The following GRAMD1A variants were observed in gnomAD, a reference collection of about 807,000 sequenced individuals.
The protein encoded by GRAMD1A is GRAM domain containing 1A.
GRAMD1A carries 50 observed loss-of-function variants against 92.0 expected under a neutral mutation model. The observed-to-expected ratio is 0.54, with a 90% CI of 0.43 to 0.69. The LOEUF is 0.69. Ranked by LOEUF, GRAMD1A falls within the 30% of genes least tolerant of loss-of-function variation. The pLI is 0.00. For missense variants in GRAMD1A, 819 were observed against 978.9 expected, an observed-to-expected ratio of 0.84 and a Z score of 2.18; for synonymous variants, 405 against 403.6, an observed-to-expected ratio of 1.00 and a Z score of -0.04.
chr19:35,022,973 T>G, intron 17 of GRAMD1A, 62 bp downstream of exon 17: 1 of 1,128,412 alleles, frequency 8.9e-7, no homozygotes. Flanking sequence ...CTGCAGCCTC[T>G]TCTCCCCACC....
rs564732032 is a variant in GRAMD1A, at chr19:35,013,469, C to T, written c.720-72C>T. 48 of 1,545,558 alleles carry T rather than the reference C, an allele frequency of 3.1e-5. No homozygotes were observed. Among genetic ancestry groups the T allele is most frequent in the East Asian group, 2.5e-4 (11 of 44,160 alleles). ...TGGGGGGCCTGAGATGGTTGTATGACGTCTGGAGGATTCAGGAGGGTGTAT... is the reference window on the plus strand; with the variant it reads ...TGGGGGGCCTGAGATGGTTGTATGATGTCTGGAGGATTCAGGAGGGTGTAT... On this transcript the variant is annotated intron_variant, in intron 8 of 19. Coordinates refer to ENST00000317991, the MANE Select transcript of GRAMD1A (RefSeq NM_020895.5). The surrounding 1 kb of genome is among the most constrained non-coding windows in gnomAD (Gnocchi z 4.9).
Position 35,014,296 on chromosome 19 carries a change from C to T in GRAMD1A, c.978C>T (p.Asp326=), listed in dbSNP as rs746350839. 49 of 1,613,832 alleles carry T rather than the reference C, an allele frequency of 3.0e-5. No homozygotes were observed. Among genetic ancestry groups the T allele is most frequent in the East Asian group, 1.1e-4 (5 of 44,888 alleles). The change falls in exon 10 of 20, where the codon GAC becomes GAT. Residue 326 remains aspartate (D), a synonymous_variant. Coordinates refer to ENST00000317991, the MANE Select transcript of GRAMD1A (RefSeq NM_020895.5). The part of the protein sequence containing the change: ...EPPSTEPTQP[D]GPTTLGPLDL... The stretch of plus-strand genomic sequence containing the variant: ...CGAGCACAGAGCCCACCCAGCCTGA[C>T]GGGCCCACCACCCTGGGCCCCTTGG...
chr19:34,995,769 G>T (rs1269901376), upstream of GRAMD1A, among the ~76,000 whole-genome samples: 1 of 151,844 alleles, frequency 6.6e-6, no homozygotes, highest in African/African-American at 2.4e-5. Context: ...TTTTTGTAGA[G>T]ATAAGGTCTT....
chr19:35,009,676 T>C, intron 3 of GRAMD1A: 1 of 635,648 alleles, frequency 1.6e-6, no homozygotes. Flanking sequence ...GAAGGGAACA[T>C]TGAATGAGTC....
chr19:35,009,077 G>T, intron 1 of GRAMD1A, 42 bp from the exon 2 acceptor site: 1 of 1,383,262 alleles, frequency 7.2e-7, no homozygotes, highest in East Asian at 2.3e-5. Context: ...ATCCCAGCCT[G>T]TTTTTTCCAG....
chr19:35,001,265 T>G (rs931146072), intron 1 of GRAMD1A: 1 of 152,588 alleles, frequency 6.6e-6, no homozygotes, highest in Non-Finnish European at 1.5e-5. Flanking sequence ...TGTGTGTGTC[T>G]GGGGCTCCAA....
In GRAMD1A at chr19:35,011,457, C is replaced by G. The variant is rs2015235086; in HGVS notation, c.526-17C>G. On this transcript the variant is annotated splice_polypyrimidine_tract_variant and intron_variant, in intron 6 of 19. Coordinates refer to ENST00000317991, the MANE Select transcript of GRAMD1A (RefSeq NM_020895.5). ...CCCCAACCTGCTCACACCTCTCTCTCTCTCTCTCCCTGACAGCATTTCTTC... is the reference window on the plus strand; with the variant it reads ...CCCCAACCTGCTCACACCTCTCTCTGTCTCTCTCCCTGACAGCATTTCTTC... 6.3e-7 allele frequency: 1 copy of G among 1,598,170 alleles called. No homozygotes were observed.
chr19:35,005,090 G>A (rs191787641), intron 1 of GRAMD1A, among the ~76,000 whole-genome samples: 1 of 152,016 alleles, frequency 6.6e-6, no homozygotes, highest in Non-Finnish European at 1.5e-5. Flanking sequence ...TCTATGGGGG[G>A]CGGGGAAGGA....
At chr19:35,025,982 G>T in intron 19 of GRAMD1A, 67 bp from the exon 20 acceptor site, 2 of 822,808 alleles carry the variant, frequency 2.4e-6, no homozygotes, top group South Asian at 2.7e-5. Flanking sequence ...TGGCAAGGTG[G>T]GGGTGGGCGA....
rs574296436 is a variant in GRAMD1A at position 35,012,309 on chromosome 19, A to G, written c.606+755A>G. On this transcript the variant is annotated intron_variant, in intron 7 of 19. Transcript: ENST00000317991. ...ATGTCACCTTGCACTTCTCAGCACC[A>G]TTGTCTTAAAAGGATGATGAGGTTA... Among the ~76,000 whole-genome samples, 8 of 152,272 alleles carry G rather than the reference A, an allele frequency of 5.3e-5. No homozygotes were observed. In the East Asian group the frequency reaches 7.7e-4, roughly 15 times the overall value.
At position 35,000,565 on chromosome 19, in the gene GRAMD1A, G is replaced by A; in HGVS notation, c.8+79G>A. On this transcript the variant is annotated intron_variant, in intron 1 of 19. Transcript: ENST00000317991. The surrounding 1 kb of genome is among the most constrained non-coding windows in gnomAD (Gnocchi z 4.9). ...GAGGGAGGGGGCGCCGCGGGCTTGG[G>A]GAGGGGGCGGAGCGGCCGCTGCAGA... 8.8e-7 allele frequency: 1 copy of A among 1,130,480 alleles called. No individual in the cohort carries two copies. The highest frequency in any genetic ancestry group is 1.1e-6 in the Non-Finnish European group (1 of 895,752). 70.0% of individuals were successfully genotyped at this position (1,130,480 alleles called of 1,614,324 possible).
At position 35,021,646 on chromosome 19, in the gene GRAMD1A, G is replaced by A. The variant is rs1202394971; in HGVS notation, c.1579+41G>A. 1.2e-6 allele frequency: 2 copies of A among 1,613,358 alleles called. No individual in the cohort carries two copies. Among genetic ancestry groups the A allele is most frequent in the South Asian group, 1.1e-5 (1 of 91,078 alleles). ...CGGCTGGGGCGTGGGTTGGGGGATG[G>A]CCTGGCCAGGTATGGACATCCAGAG... On this transcript the variant is annotated intron_variant, in intron 14 of 19. Coordinates refer to ENST00000317991, the MANE Select transcript of GRAMD1A (RefSeq NM_020895.5). This position sits in a 1 kb window ranked among gnomAD's most constrained non-coding sequence, Gnocchi z 5.3.
upstream of GRAMD1A, chr19:35,000,195 C>T (rs998456794): frequency 3.0e-6 from 3 of 1,015,640 alleles, no homozygotes; most frequent in Non-Finnish European, 3.5e-6. The surrounding 1 kb of genome is among the most constrained non-coding windows in gnomAD (Gnocchi z 4.9). Flanking sequence ...CCCGGCTTCT[C>T]CCTCCTTCTA....
chr19:35,013,796 T>C lies in GRAMD1A; in HGVS notation c.870+105T>C. 8.5e-7 allele frequency: 1 copy of C among 1,176,086 alleles called. No individual in the cohort carries two copies. The highest frequency in any genetic ancestry group is 1.2e-6 in the Non-Finnish European group (1 of 823,278). 72.9% of individuals were successfully genotyped at this position (1,176,086 alleles called of 1,614,324 possible). ...CCTGACAGATTTGGAGGGGAATGGA[T>C]AGGGGGACAGGGGAGGCCTGGATGG... is the stretch of plus-strand genomic sequence containing the variant. On this transcript the variant is annotated intron_variant, in intron 9 of 19. Coordinates refer to ENST00000317991, the MANE Select transcript of GRAMD1A (RefSeq NM_020895.5). This position sits in a 1 kb window ranked among gnomAD's most constrained non-coding sequence, Gnocchi z 4.9.
intron 11 of GRAMD1A, among the ~76,000 whole-genome samples, chr19:35,018,264 TG>T (rs1031424536): frequency 1.7e-4 from 26 of 152,296 alleles, no homozygotes; most frequent in Non-Finnish European, 3.4e-4. Flanking sequence ...CCCGAAGTGC[TG>T]GGATTACAGG....
In GRAMD1A at chr19:35,000,915, C is replaced by T. The variant is rs938658745; in HGVS notation, c.8+429C>T. On this transcript the variant is annotated intron_variant, in intron 1 of 19. Coordinates refer to ENST00000317991, the MANE Select transcript of GRAMD1A (RefSeq NM_020895.5). This position sits in a 1 kb window ranked among gnomAD's most constrained non-coding sequence, Gnocchi z 4.9. ...GGCCCACAGGCCGCGGAGCCCTGGG[C>T]GCGCCGGGAGTAGGCAGCCCCCTCC... Among the ~76,000 whole-genome samples, 1 of 152,000 alleles carries T rather than the reference C, an allele frequency of 6.6e-6. No individual in the cohort carries two copies. The highest frequency in any genetic ancestry group is 1.5e-5 in the Non-Finnish European group (1 of 67,996).
intron 3 of GRAMD1A, 61 bp from the exon 4 acceptor site, chr19:35,009,827 T>C: frequency 1.0e-6 from 1 of 993,330 alleles, no homozygotes; most frequent in Middle Eastern, 2.3e-4. Context: ...CCAGGAGCTT[T>C]GTGGGGCAGC....
At position 35,023,314 on chromosome 19, in the gene GRAMD1A, G is replaced by C. The variant is rs776558473; in HGVS notation, c.1932G>C (p.Glu644Asp). 2 of 1,614,176 alleles carry C rather than the reference G, an allele frequency of 1.2e-6. No individual in the cohort carries two copies. Among genetic ancestry groups the C allele is most frequent in the East Asian group, 4.5e-5 (2 of 44,880 alleles). Residue 644 changes from glutamate to aspartate, a missense_variant, in exon 18 of 20, where the codon GAG (glutamate) becomes GAC (aspartate). By Grantham distance (45) the Glu-to-Asp change is conservative (BLOSUM62 2). Coordinates refer to ENST00000317991, the MANE Select transcript of GRAMD1A (RefSeq NM_020895.5). The stretch of plus-strand genomic sequence containing the variant: ...TGGAAAGGACAGCCCACACCTTTGA[G>C]TCCTGGCACAGCCTGGCCCTGGCCA... ...WSLERTAHTFESWHSLALAKG... is the reference protein window; with the variant it reads ...WSLERTAHTFDSWHSLALAKG...
At chr19:35,005,475 G>A (rs2014742222) in intron 1 of GRAMD1A, among the ~76,000 whole-genome samples, 1 of 151,944 alleles carries the variant, frequency 6.6e-6, no homozygotes, top group Non-Finnish European at 1.5e-5. Flanking sequence ...GGAGTGCAGG[G>A]CTGATGAGGG....
Sources: gnomAD v4.1 joint callset for allele counts (sites outside exome capture counted in the v4.1 genomes callset) on GRCh38, gnomAD v4.1.1 for gene constraint, Gnocchi (gnomAD v3.1) non-coding constraint, MANE v1.5 for transcripts, NCBI Gene and HGNC (gene_info 2026-07-23, HGNC 2026-07-21) for gene names.